TRPM1: variants seen among roughly 807,000 people sequenced by gnomAD.
TRPM1 encodes transient receptor potential cation channel subfamily M member 1.
Under a neutral mutation model 149.4 loss-of-function variants are expected in TRPM1, and 113 were observed. The observed-to-expected ratio is 0.76, with a 90% CI of 0.65 to 0.88. The LOEUF (loss-of-function observed/expected upper bound fraction) is 0.88, where lower values mean the gene tolerates loss of function less well. Ranked by LOEUF, TRPM1 falls within the 40% of genes least tolerant of loss-of-function variation. The pLI, the probability that TRPM1 is intolerant of heterozygous loss-of-function variation, is 0.00. For synonymous variants in TRPM1, 741 were observed against 759.5 expected (o/e 0.98, Z 0.40); for missense variants, 1,976 against 2,038.7 (o/e 0.97, Z 0.59).
intron 1 of TRPM1, among the ~76,000 whole-genome samples, chr15:31,121,017 A>G (rs960340010): frequency 1.1e-4 from 17 of 152,106 alleles, no homozygotes; most frequent in African/African-American, 3.9e-4. Flanking sequence ...TCACGAGGTC[A>G]GAAGTTCAAG....
Position 31,040,020 on chromosome 15 carries a change from G to A in TRPM1, c.2316+98C>T, listed in dbSNP as rs2033557646. ...GTCTCCCTCAGGGGGTTGCTAGAAG[G>A]AATAAATGAAATAAGCCACAGAAAG... On this transcript the variant is annotated intron_variant, in intron 18 of 27. Transcript: ENST00000256552. This position sits in a 1 kb window ranked among gnomAD's most constrained non-coding sequence, Gnocchi z 4.2. 1 of 1,060,028 alleles carries A rather than the reference G, an allele frequency of 9.4e-7. No homozygotes were observed. The highest frequency in any genetic ancestry group is 1.4e-6 in the Non-Finnish European group (1 of 692,274). The allele number at this position is 1,060,028 out of a possible 1,614,324, so 65.7% of individuals were successfully genotyped here. A position where few individuals can be genotyped will look rare whatever the true frequency, so the allele number is the denominator to read the frequency against.
chr15:31,070,650 G>A (rs754462708), intron 3 of TRPM1, among the ~76,000 whole-genome samples: 1 of 152,058 alleles, frequency 6.6e-6, no homozygotes, highest in East Asian at 1.9e-4. Flanking sequence ...CCTCCCCCAA[G>A]CTCAGGTGAT....
intron 17 of TRPM1, among the ~76,000 whole-genome samples, chr15:31,041,304 G>C (rs558976430): frequency 6.6e-6 from 1 of 152,044 alleles, no homozygotes; most frequent in African/African-American, 2.4e-5. Flanking sequence ...ACAGGCGCCC[G>C]CCACTACGCC....
chr15:31,122,500 G>T (rs550070278), intron 1 of TRPM1, among the ~76,000 whole-genome samples: 1 of 152,256 alleles, frequency 6.6e-6, no homozygotes, highest in African/African-American at 2.4e-5. Context: ...TGGATACAAG[G>T]TTAATAGATT....
intron 23 of TRPM1, 62 bp from the exon 24 acceptor site, chr15:31,029,453 G>A: frequency 6.5e-7 from 1 of 1,537,660 alleles, no homozygotes; most frequent in Non-Finnish European, 9.0e-7. Context: ...GGGGAGGAAA[G>A]AAAATAAGAT....
At chr15:31,135,860 G>C (rs1016302338) in intron 1 of TRPM1, among the ~76,000 whole-genome samples, 3 of 152,074 alleles carry the variant, frequency 2.0e-5, no homozygotes, top group African/African-American at 7.2e-5. Flanking sequence ...GGAAGCAGAC[G>C]CTGGCTCCAT....
exon 1 of TRPM1, chr15:31,161,110 G>A: frequency 1.3e-6 from 1 of 744,898 alleles, no homozygotes; most frequent in Non-Finnish European, 2.2e-6. Flanking sequence ...CTGGGCGAGG[G>A]GGCCGAGATC....
intron 11 of TRPM1, among the ~76,000 whole-genome samples, chr15:31,053,479 T>A (rs947201843): frequency 6.6e-6 from 1 of 151,318 alleles, no homozygotes; most frequent in African/African-American, 2.4e-5. Context: ...GCCAGGCTGG[T>A]CTCCAATTCC....
chr15:31,047,069 T>C, intron 15 of TRPM1, 42 bp downstream of exon 15: 1 of 1,613,542 alleles, frequency 6.2e-7, no homozygotes, highest in Non-Finnish European at 8.5e-7. Flanking sequence ...AACCACATGG[T>C]ACTCGCGAAC....
chr15:31,068,453 G>T (rs1297534231), intron 4 of TRPM1, among the ~76,000 whole-genome samples: 2 of 152,002 alleles, frequency 1.3e-5, no homozygotes, highest in Admixed American at 1.3e-4. Context: ...TATAAAAGAG[G>T]ACTCAGGGCT....
At position 31,049,367 on chromosome 15, in the gene TRPM1, G is replaced by A. The variant is rs2033873073; in HGVS notation, c.1572+8C>T. 1 of 1,614,144 alleles carries A rather than the reference G, an allele frequency of 6.2e-7. No homozygotes were observed. The highest frequency in any genetic ancestry group is 8.5e-7 in the Non-Finnish European group (1 of 1,180,018). ...TCCCGCTTCCTTCCCTTTTTCTAGA[G>A]CACTCACTGTGTTATAAAGCTCCTC... On this transcript the variant is annotated splice_region_variant and intron_variant, in intron 13 of 27. Coordinates refer to ENST00000256552, the MANE Select transcript of TRPM1 (RefSeq NM_001252024.2).
intron 7 of TRPM1, 78 bp from the exon 8 acceptor site, chr15:31,063,370 G>A: frequency 1.3e-6 from 2 of 1,574,974 alleles, no homozygotes; most frequent in Non-Finnish European, 1.7e-6. Context: ...CTGAAGTATG[G>A]GGAAGAGTAA....
chr15:31,047,172 C>T lies in TRPM1; in HGVS notation c.1703G>A (p.Arg568His), dbSNP rs147667317. The change falls in exon 15 of 28, where the codon CGC (arginine) becomes CAC (histidine). Residue 568 changes from arginine (R) to histidine (H), a missense_variant. Physicochemically the swap from Arg to His is conservative, Grantham distance 29. This residue lies in a region of TRPM1 where 1,332 missense variants were observed against 1,347.1 expected (regional missense o/e 0.99). Transcript: ENST00000256552. Reference sequence around the variant, plus strand: ...AAAGTTTTTCCGAGTGTAGTTGCAGCGGTAGGCTCCTCCCATGAGGTACTC... The same window carrying T: ...AAAGTTTTTCCGAGTGTAGTTGCAGTGGTAGGCTCCTCCCATGAGGTACTC... The part of the protein sequence containing the change: ...VLEYLMGGAY[R>H]CNYTRKNFRT... The T allele has an allele frequency of 5.6e-6, 9 of 1,614,214 alleles. No homozygotes were observed. The African/African-American group carries it at 6.7e-5, about 12-fold the overall frequency.
At chr15:31,118,995 T>G (rs975546389) in intron 1 of TRPM1, among the ~76,000 whole-genome samples, 3 of 152,044 alleles carry the variant, frequency 2.0e-5, no homozygotes, top group African/African-American at 4.8e-5. Context: ...ATCCCAGCAC[T>G]TTGGGAGGCC....
In TRPM1 at chr15:31,101,720, G is replaced by T; in HGVS notation, c.-147C>A. 1 of 985,946 alleles carries T rather than the reference G, an allele frequency of 1.0e-6. No individual in the cohort carries two copies. Among genetic ancestry groups the T allele is most frequent in the Non-Finnish European group, 1.2e-6 (1 of 830,344 alleles). The allele number at this position is 985,946 out of a possible 1,614,324, so 61.1% of individuals were successfully genotyped here. A position where few individuals can be genotyped will look rare whatever the true frequency, so the allele number is the denominator to read the frequency against. ...TCTTTCAGCCTCCTCCTTGGCCAGGGCAGGGAGCTGGGTGAGGAGGGCCCA... is the reference window on the plus strand; with the variant it reads ...TCTTTCAGCCTCCTCCTTGGCCAGGTCAGGGAGCTGGGTGAGGAGGGCCCA... On this transcript the variant is annotated 5_prime_UTR_variant, in exon 1 of 28. Coordinates refer to ENST00000256552, the MANE Select transcript of TRPM1 (RefSeq NM_001252024.2).
chr15:31,088,132 T>C (rs1186598477), intron 1 of TRPM1, among the ~76,000 whole-genome samples: 1 of 152,080 alleles, frequency 6.6e-6, no homozygotes, highest in Non-Finnish European at 1.5e-5. Flanking sequence ...GGATTGTAAA[T>C]GCACCAATCA....
Position 31,009,932 on chromosome 15 carries a change from T to C in TRPM1, c.3630-6862A>G, listed in dbSNP as rs114602670. On this transcript the variant is annotated intron_variant, in intron 27 of 27. Coordinates refer to ENST00000256552, the MANE Select transcript of TRPM1 (RefSeq NM_001252024.2). ...CTGAGACTTTCTAGTTTTCTATTAG[T>C]TTCCAGAGCCTTTGCAATTTTGTTA... Among the ~76,000 whole-genome samples the C allele has an allele frequency of 4.1e-3, 631 of 152,334 alleles. 4 individuals carry two copies. The highest frequency in any genetic ancestry group is 0.014 in the African/African-American group (589 of 41,582).
In TRPM1 at chr15:31,068,061, T is replaced by C. The variant is rs747890767; in HGVS notation, c.311A>G (p.Asp104Gly). 6.2e-7 allele frequency: 1 copy of C among 1,614,168 alleles called. No homozygotes were observed. Among genetic ancestry groups the C allele is most frequent in the Admixed American group, 1.7e-5 (1 of 60,024 alleles). The change falls in exon 5 of 28, where the codon GAC becomes GGC. Residue 104 changes from aspartate (D) to glycine (G), a missense_variant. Asp to Gly is a moderately conservative substitution (Grantham distance 94). Coordinates refer to ENST00000256552, the MANE Select transcript of TRPM1 (RefSeq NM_001252024.2). The part of the protein sequence containing the change: ...YIRVSYDTKP[D>G]SLLHLMVKDW... ...TTTCACCATGAGATGGAGCAGTGAG[T>C]CTGGCTTGGTGTCATAGGATACACG...
chr15:31,046,265 A>G (rs775406642), intron 15 of TRPM1, 32 bp from the exon 16 acceptor site: 86 of 1,607,728 alleles, frequency 5.3e-5, no homozygotes, highest in Non-Finnish European at 6.7e-5. Flanking sequence ...AAAAAAATCA[A>G]TTTACTTAGA....
Sources: gnomAD v4.1 joint callset for allele counts (sites outside exome capture counted in the v4.1 genomes callset) on GRCh38, gnomAD v4.1.1 for gene constraint, gnomAD v4.1.1 regional missense constraint, Gnocchi (gnomAD v3.1) non-coding constraint, MANE v1.5 for transcripts, NCBI Gene and HGNC (gene_info 2026-07-23, HGNC 2026-07-21) for gene names.